PTPRN: variants seen among roughly 807,000 people sequenced by gnomAD.
The protein encoded by PTPRN is protein tyrosine phosphatase receptor type N.
Under a neutral mutation model 108.5 loss-of-function variants are expected in PTPRN, and 70 were observed. That is an observed-to-expected ratio of 0.65 (90% CI 0.53 to 0.79). PTPRN has a LOEUF of 0.79. PTPRN is among the 30% of genes least tolerant of loss of function. The pLI, the probability that PTPRN is intolerant of heterozygous loss-of-function variation, is 0.00. For synonymous variants in PTPRN, 496 were observed against 524.6 expected (o/e 0.95, Z 0.75); for missense variants, 1,136 against 1,295.5 (o/e 0.88, Z 1.89).
At chr2:219,299,182 G>C (rs1485695859) in intron 11 of PTPRN, 71 bp from the exon 12 acceptor site, 1 of 1,605,108 alleles carries the variant, frequency 6.2e-7, no homozygotes, top group East Asian at 2.2e-5. Flanking sequence ...GCTCTGCCAA[G>C]CAGCAGGCAG....
chr2:219,299,710 T>C lies in PTPRN; in HGVS notation c.1513A>G (p.Ile505Val). The change falls in exon 10 of 23, where the codon ATC becomes GTC. Residue 505 changes from isoleucine to valine, a missense_variant. Physicochemically the swap from Ile to Val is conservative, Grantham distance 29. Coordinates refer to ENST00000295718, the MANE Select transcript of PTPRN (RefSeq NM_002846.4). ...EHVHMSSGSF[I>V]NISVVGPALT... The stretch of plus-strand genomic sequence containing the variant: ...AGATGCCAGCCCCACCTGATGTTGA[T>C]GAAGCTGCCTGAGGACATGTGCACA... 3.1e-6 allele frequency: 5 copies of C among 1,599,646 alleles called. No individual in the cohort carries two copies. The highest frequency in any genetic ancestry group is 4.3e-6 in the Non-Finnish European group (5 of 1,169,232).
rs2125092589 is a variant in PTPRN, at chr2:219,297,786, G to T, written c.1887+99C>A. The T allele has an allele frequency of 2.9e-6, 4 of 1,363,518 alleles. No homozygotes were observed. Among genetic ancestry groups the T allele is most frequent in the South Asian group, 2.8e-5 (2 of 71,200 alleles). 84.5% of individuals were successfully genotyped at this position (1,363,518 alleles called of 1,614,324 possible). A position where few individuals can be genotyped will look rare whatever the true frequency, so the allele number is the denominator to read the frequency against. On this transcript the variant is annotated intron_variant, in intron 13 of 22. Coordinates refer to ENST00000295718, the MANE Select transcript of PTPRN (RefSeq NM_002846.4). This position sits in a 1 kb window ranked among gnomAD's most constrained non-coding sequence, Gnocchi z 6.0. ...CCACTGGACCTTCCCAGGGATGAGG[G>T]CTCACTCCCCATTCAGTTCCGACCC...
chr2:219,307,352 G>T (rs933061374), intron 3 of PTPRN, 92 bp downstream of exon 3: 5 of 1,071,716 alleles, frequency 4.7e-6, no homozygotes, highest in East Asian at 2.4e-5. Flanking sequence ...CAGCAGTGGG[G>T]GTGATAGGAA....
At chr2:219,299,859 C>T in intron 9 of PTPRN, 73 bp from the exon 10 acceptor site, 2 of 1,555,698 alleles carry the variant, frequency 1.3e-6, no homozygotes, top group South Asian at 1.2e-5. Flanking sequence ...CAGGCCACTC[C>T]AGGGGTACAG....
At chr2:219,303,977 T>A in intron 3 of PTPRN, 146 bp from the exon 4 acceptor site, 1 of 557,810 alleles carries the variant, frequency 1.8e-6, no homozygotes, top group Non-Finnish European at 3.0e-6. Flanking sequence ...TGATCTGAGC[T>A]GTCTTCTTCC....
chr2:219,293,287 T>G (rs1952093651), intron 19 of PTPRN, among the ~76,000 whole-genome samples: 1 of 152,076 alleles, frequency 6.6e-6, no homozygotes, highest in African/African-American at 2.4e-5. Flanking sequence ...TTTAAGAGAT[T>G]CTCCTGCCTC....
chr2:219,294,279 CG>C (rs1324816041), intron 19 of PTPRN: 1 of 422,082 alleles, frequency 2.4e-6, no homozygotes, highest in African/African-American at 2.1e-5. Flanking sequence ...GAGGGAGAGA[CG>C]GACAGAGCAG....
At position 219,295,075 on chromosome 2, in the gene PTPRN, C is replaced by T. The variant is rs373906567; in HGVS notation, c.2575G>A (p.Val859Met). Reference sequence around the variant, plus strand: ...AGCGTGCGCGTCTCCTGGGTCTGCACGTTCTTCAGGTAGAAGCTCCGCACC... The same window carrying T: ...AGCGTGCGCGTCTCCTGGGTCTGCATGTTCTTCAGGTAGAAGCTCCGCACC... The part of the protein sequence containing the change: ...FLVRSFYLKN[V>M]QTQETRTLTQ... Residue 859 changes from valine to methionine, a missense_variant, in exon 19 of 23, where the codon GTG becomes ATG. Physicochemically the swap from Val to Met is conservative, Grantham distance 21 (BLOSUM62 1). Transcript: ENST00000295718. The T allele has an allele frequency of 6.2e-7, 1 of 1,613,598 alleles. No homozygotes were observed. The highest frequency in any genetic ancestry group is 1.3e-5 in the African/African-American group (1 of 75,022).
At chr2:219,299,626 G>T (rs1952290766) in intron 10 of PTPRN, 74 bp downstream of exon 10, 1 of 1,405,762 alleles carries the variant, frequency 7.1e-7, no homozygotes, top group African/African-American at 1.4e-5. Flanking sequence ...CCTCCCGCAG[G>T]CCCCTCCAGC....
Position 219,307,471 on chromosome 2 carries a change from C to A in PTPRN, c.253G>T (p.Gly85Cys). 6.2e-7 allele frequency: 1 copy of A among 1,614,128 alleles called. No individual in the cohort carries two copies. The highest frequency in any genetic ancestry group is 8.5e-7 in the Non-Finnish European group (1 of 1,180,006). ...TGGGACATGAGTTGTCGGAGCACAC[C>A]TTGTAAGCGTTGGAGAACTGGGGAG... is the stretch of plus-strand genomic sequence containing the variant. ...VTSPVLQRLQ[G>C]VLRQLMSQGL... Residue 85 changes from glycine to cysteine, a missense_variant, in exon 3 of 23, where the codon GGT (glycine) becomes TGT (cysteine). By Grantham distance (159) the Gly-to-Cys change is radical. Coordinates refer to ENST00000295718, the MANE Select transcript of PTPRN (RefSeq NM_002846.4).
Position 219,307,773 on chromosome 2 carries a change from A to G in PTPRN, c.166+19T>C, listed in dbSNP as rs1037357824. ...CTCTCCCCCCGATCTTGTGAGTTCT[A>G]TGCTTGGGCCTCACTCACCCTGAAT... is the stretch of plus-strand genomic sequence containing the variant. On this transcript the variant is annotated intron_variant, in intron 2 of 22. Coordinates refer to ENST00000295718, the MANE Select transcript of PTPRN (RefSeq NM_002846.4). 5.6e-6 allele frequency: 9 copies of G among 1,612,920 alleles called. No individual in the cohort carries two copies. Among genetic ancestry groups the G allele is most frequent in the Non-Finnish European group, 7.6e-6 (9 of 1,179,184 alleles).
chr2:219,309,118 G>A (rs1312123389), intron 1 of PTPRN, 100 bp downstream of exon 1: 4 of 1,296,424 alleles, frequency 3.1e-6, no homozygotes, highest in African/African-American at 3.9e-5. Flanking sequence ...TATTCTCCCC[G>A]AGCTTCATGA....
Position 219,302,281 on chromosome 2 carries a change from C to T in PTPRN, c.850G>A (p.Glu284Lys), listed in dbSNP as rs1454735388. 6.8e-6 allele frequency: 11 copies of T among 1,614,070 alleles called. No individual in the cohort carries two copies. The highest frequency in any genetic ancestry group is 3.3e-5 in the Admixed American group (2 of 60,012). ...QDSGLLYLAQ[E>K]LPAPSRARVP... Reference sequence around the variant, plus strand: ...CTGGCCCTGCTGGGTGCTGGCAACTCCTGGGCCAGATAGAGCAGCCCAGAG... The same window carrying T: ...CTGGCCCTGCTGGGTGCTGGCAACTTCTGGGCCAGATAGAGCAGCCCAGAG... The change falls in exon 6 of 23, where the codon GAG (glutamate) becomes AAG (lysine). Residue 284 changes from glutamate (E) to lysine (K), a missense_variant. Transcript: ENST00000295718.
intron 8 of PTPRN, 146 bp from the exon 9 acceptor site, chr2:219,300,405 C>A: frequency 1.3e-6 from 1 of 754,440 alleles, no homozygotes. Flanking sequence ...ACAGAGAGGA[C>A]ACCAGAGCAT....
At chr2:219,295,385 C>G (rs1952166205) in intron 18 of PTPRN, 2 of 504,540 alleles carry the variant, frequency 4.0e-6, no homozygotes, top group Non-Finnish European at 3.5e-6. Flanking sequence ...AGTTTCTCCT[C>G]CCTCTTCCTC....
intron 1 of PTPRN, 64 bp downstream of exon 1, chr2:219,309,154 T>C: frequency 7.0e-7 from 1 of 1,438,740 alleles, no homozygotes; most frequent in Non-Finnish European, 9.4e-7. Context: ...CCCACCGAGT[T>C]TCGCTCCAGG....
chr2:219,290,420 TG>T lies in PTPRN; in HGVS notation c.2868+117del. The T allele has an allele frequency of 1.4e-6, 2 of 1,389,752 alleles. No individual in the cohort carries two copies. The highest frequency in any genetic ancestry group is 2.0e-6 in the Non-Finnish European group (2 of 1,001,752). The allele number at this position is 1,389,752 out of a possible 1,614,324, so 86.1% of individuals were successfully genotyped here. A position where few individuals can be genotyped will look rare whatever the true frequency, so the allele number is the denominator to read the frequency against. On this transcript the variant is annotated intron_variant, in intron 22 of 22. Transcript: ENST00000295718. This position sits in a 1 kb window ranked among gnomAD's most constrained non-coding sequence, Gnocchi z 4.2. ...TCCCCTGGGAGGAAGGGAGCCCTCCTGGAGGAGGCGCAGAAGCAGGTGGGAA... is the reference window on the plus strand; with the variant it reads ...TCCCCTGGGAGGAAGGGAGCCCTCCTGAGGAGGCGCAGAAGCAGGTGGGAA...
rs1952018046 is a variant in PTPRN at position 219,290,058 on chromosome 2, G to A, written c.*168C>T. On this transcript the variant is annotated 3_prime_UTR_variant, in exon 23 of 23. Transcript: ENST00000295718. This position sits in a 1 kb window ranked among gnomAD's most constrained non-coding sequence, Gnocchi z 4.2. ...TGGGATGCCCCAGGCTCTGGCATGC[G>A]AGGCTGGGCAGGCGTGCCCCTTCTG... is the stretch of plus-strand genomic sequence containing the variant. The A allele has an allele frequency of 2.6e-5, 17 of 656,520 alleles. No individual in the cohort carries two copies. The highest frequency in any genetic ancestry group is 1.1e-4 in the South Asian group (6 of 52,622). 40.7% of individuals were successfully genotyped at this position (656,520 alleles called of 1,614,324 possible). A position where few individuals can be genotyped will look rare whatever the true frequency, so the allele number is the denominator to read the frequency against.
intron 19 of PTPRN, 182 bp from the exon 20 acceptor site, chr2:219,291,705 A>G (rs1365321891): frequency 4.7e-6 from 3 of 641,588 alleles, no homozygotes; most frequent in Non-Finnish European, 8.2e-6. Flanking sequence ...TGTGGGTGGC[A>G]TTGGGCTCGC....
Sources: allele counts gnomAD v4.1 joint callset (sites outside exome capture counted in the v4.1 genomes callset), GRCh38; gene constraint gnomAD v4.1.1; non-coding constraint Gnocchi (gnomAD v3.1); transcripts MANE v1.5; gene names NCBI Gene and HGNC (gene_info 2026-07-23, HGNC 2026-07-21).